DIPK1A: variants seen among roughly 807,000 people sequenced by gnomAD.
DIPK1A encodes the protein family with sequence similarity 69 member A.
DIPK1A carries 27 observed loss-of-function variants against 40.8 expected under a neutral mutation model. That is an observed-to-expected ratio of 0.66 (90% CI 0.49 to 0.91). The LOEUF (loss-of-function observed/expected upper bound fraction) is 0.91. DIPK1A is among the 40% of genes least tolerant of loss of function. The pLI is 0.00. For missense variants in DIPK1A, 412 were observed against 505.7 expected (o/e 0.81, Z 1.78); for synonymous variants, 166 against 171.3 (o/e 0.97, Z 0.24).
At chr1:92,941,469 A>G (rs1205459143) in intron 1 of DIPK1A, among the ~76,000 whole-genome samples, 2 of 152,210 alleles carry the variant, frequency 1.3e-5, no homozygotes, top group Non-Finnish European at 2.9e-5. Context: ...ACAGCAAAAT[A>G]TTGGAAACTA....
chr1:92,844,205 A>C lies in DIPK1A; in HGVS notation c.475-10T>G, dbSNP rs1687499238. On this transcript the variant is annotated splice_polypyrimidine_tract_variant and intron_variant, in intron 4 of 4. Transcript: ENST00000370310. ...GGTCACCCAATTTTGCCTGTCAAGA[A>C]TTTGGCTAGTTACACAGAAGGAATG... The C allele has an allele frequency of 6.5e-7, 1 of 1,531,466 alleles. No individual in the cohort carries two copies. The highest frequency in any genetic ancestry group is 2.0e-5 in the Admixed American group (1 of 49,620). 94.9% of individuals were successfully genotyped at this position (1,531,466 alleles called of 1,614,324 possible).
chr1:92,939,193 C>G (rs577955146), intron 1 of DIPK1A, among the ~76,000 whole-genome samples: 1 of 152,168 alleles, frequency 6.6e-6, no homozygotes, highest in African/African-American at 2.4e-5. Flanking sequence ...TGAGTCACCA[C>G]GCCTGGCCTT....
rs538222041 is a variant in DIPK1A at position 92,832,920 on chromosome 1, G to A, written c.*100C>T. 42 of 680,208 alleles carry A rather than the reference G, an allele frequency of 6.2e-5. No homozygotes were observed. In the African/African-American group the frequency reaches 6.8e-4, roughly 11 times the overall value. 42.1% of individuals were successfully genotyped at this position (680,208 alleles called of 1,614,324 possible). On this transcript the variant is annotated 3_prime_UTR_variant, in exon 5 of 5. Coordinates refer to the DIPK1A transcript ENST00000615519. ...AGAGAGGTACGTAGTTGTTATTTGAGGCTAGGTTTTCGAAGTGGGACATAG... is the reference window on the plus strand; with the variant it reads ...AGAGAGGTACGTAGTTGTTATTTGAAGCTAGGTTTTCGAAGTGGGACATAG...
chr1:92,843,469 T>G lies in DIPK1A; in HGVS notation c.1201A>C (p.Asn401His), dbSNP rs1018127276. 2.6e-6 allele frequency: 4 copies of G among 1,551,410 alleles called. No individual in the cohort carries two copies. The highest frequency in any genetic ancestry group is 3.5e-6 in the Non-Finnish European group (4 of 1,146,862). Residue 401 changes from asparagine to histidine, a missense_variant, in exon 5 of 5, where the codon AAT (asparagine) becomes CAT (histidine). Physicochemically the swap from Asn to His is moderately conservative, Grantham distance 68. Coordinates refer to ENST00000370310, the MANE Select transcript of DIPK1A (RefSeq NM_001006605.5). ...YSCIALKVTA[N>H]QMEMEHSLIL... ...AAAGAATGTTCCATTTCCATTTGAT[T>G]TGCTGTGACTTTGAGAGCAATACAA...
chr1:92,893,703 C>A lies in DIPK1A; in HGVS notation c.55-17273G>T, dbSNP rs960849997. Among the ~76,000 whole-genome samples, 28 of 151,842 alleles carry A rather than the reference C, an allele frequency of 1.8e-4. 1 individual carries two copies. In the South Asian group the frequency reaches 5.2e-3, roughly 28 times the overall value. ...AAATGCTCCAATTAAAAGACACAGA[C>A]TGGCAAATTGGATAAAGAGTCAAGA... On this transcript the variant is annotated intron_variant, in intron 1 of 4. Coordinates refer to ENST00000370310, the MANE Select transcript of DIPK1A (RefSeq NM_001006605.5).
intron 1 of DIPK1A, among the ~76,000 whole-genome samples, chr1:92,919,143 A>T (rs1244900665): frequency 6.6e-6 from 1 of 152,132 alleles, no homozygotes; most frequent in Non-Finnish European, 1.5e-5. Flanking sequence ...ATTCTCATCT[A>T]CCTATACAAT....
intron 2 of DIPK1A, among the ~76,000 whole-genome samples, chr1:92,860,196 A>C: frequency 6.6e-6 from 1 of 152,150 alleles, no homozygotes; most frequent in Admixed American, 6.5e-5. Flanking sequence ...TGGAGCTAAC[A>C]GTTTTACAGT....
chr1:92,948,780 T>C (rs1651504480), intron 1 of DIPK1A, among the ~76,000 whole-genome samples: 2 of 146,282 alleles, frequency 1.4e-5, no homozygotes, highest in South Asian at 4.2e-4. Context: ...TGTGTGTGTA[T>C]ATATATATAT....
intron 1 of DIPK1A, among the ~76,000 whole-genome samples, chr1:92,927,364 G>GTTTTTTTTT (rs61508867): frequency 1.1e-4 from 12 of 104,674 alleles, no homozygotes; most frequent in African/African-American, 4.4e-4. Context: ...CAATTTTGTT[G>GTTTTTTTTT]TTTTTTTTTT....
intron 1 of DIPK1A, among the ~76,000 whole-genome samples, chr1:92,910,525 C>T (rs1016594950): frequency 6.6e-6 from 1 of 152,098 alleles, no homozygotes; most frequent in Non-Finnish European, 1.5e-5. Context: ...TAGCAAACAT[C>T]TACCAACAAT....
At chr1:92,835,380 C>T (rs1369863133) in intron 4 of DIPK1A, 2 of 220,120 alleles carry the variant, frequency 9.1e-6, no homozygotes, top group Middle Eastern at 1.9e-3. Context: ...TGGCTAGGCG[C>T]GGTGGCTCAC....
At chr1:92,912,819 G>C (rs950935930) in intron 1 of DIPK1A, among the ~76,000 whole-genome samples, 1 of 152,112 alleles carries the variant, frequency 6.6e-6, no homozygotes, top group Non-Finnish European at 1.5e-5. Flanking sequence ...AAGCCATAGA[G>C]GCCAGGCACA....
At chr1:92,847,559 A>T (rs991376174) in intron 3 of DIPK1A, among the ~76,000 whole-genome samples, 200 bp from the exon 4 acceptor site, 1 of 152,230 alleles carries the variant, frequency 6.6e-6, no homozygotes, top group African/African-American at 2.4e-5. Flanking sequence ...TTTTTAAATT[A>T]TAAGAGTAAT....
chr1:92,928,255 C>T (rs1210974809), intron 1 of DIPK1A, among the ~76,000 whole-genome samples: 5 of 152,188 alleles, frequency 3.3e-5, no homozygotes, highest in Non-Finnish European at 7.3e-5. Flanking sequence ...ACATCCATAA[C>T]TAATACAATC....
chr1:92,843,635 A>AG lies in DIPK1A; in HGVS notation c.1034dup (p.Ser346Ter). Reference sequence around the variant, plus strand: ...ACTTCATTGTACTCTGATCACAGCTAGTTCTACAATCTGTGCCATAGACAC... The same window carrying AG: ...ACTTCATTGTACTCTGATCACAGCTAGGTTCTACAATCTGTGCCATAGACAC... On this transcript the variant is annotated frameshift_variant, in exon 5 of 5. Transcript: ENST00000370310. LOFTEE classifies it high-confidence loss of function. 6.4e-7 allele frequency: 1 copy of AG among 1,551,736 alleles called. No homozygotes were observed. Among genetic ancestry groups the AG allele is most frequent in the Non-Finnish European group, 8.7e-7 (1 of 1,146,954 alleles).
intron 1 of DIPK1A, among the ~76,000 whole-genome samples, chr1:92,906,134 G>A (rs1350921207): frequency 1.3e-5 from 2 of 151,904 alleles, no homozygotes; most frequent in Non-Finnish European, 2.9e-5. Flanking sequence ...ATAAATTTTA[G>A]GATTTTTTTT....
intron 1 of DIPK1A, among the ~76,000 whole-genome samples, chr1:92,928,342 C>A (rs887908209): frequency 6.6e-6 from 1 of 152,194 alleles, no homozygotes; most frequent in Non-Finnish European, 1.5e-5. Context: ...TATCCCAATC[C>A]TTTGTGCTAC....
intron 2 of DIPK1A, among the ~76,000 whole-genome samples, chr1:92,857,955 G>T (rs927563528): frequency 1.2e-4 from 18 of 152,118 alleles, no homozygotes; most frequent in African/African-American, 4.3e-4. Context: ...CCCACTAAAG[G>T]TGTCTCTGGT....
At chr1:92,921,164 AT>A (rs1253681665) in intron 1 of DIPK1A, among the ~76,000 whole-genome samples, 1 of 151,358 alleles carries the variant, frequency 6.6e-6, no homozygotes, top group Admixed American at 6.6e-5. Context: ...ACACTTTAGT[AT>A]TTTTTTTTAA....
Sources: gnomAD v4.1 joint callset for allele counts (sites outside exome capture counted in the v4.1 genomes callset) on GRCh38, gnomAD v4.1.1 for gene constraint, MANE v1.5 for transcripts, NCBI Gene and HGNC (gene_info 2026-07-23, HGNC 2026-07-21) for gene names.